Variants in ME3 observed in about 807,000 individuals in gnomAD.
ME3 encodes the protein NADP-dependent malic enzyme, mitochondrial.
ME3 carries 48 observed loss-of-function variants against 68.9 expected under a neutral mutation model. The observed-to-expected ratio is 0.70, with a 90% CI of 0.55 to 0.89. The LOEUF (loss-of-function observed/expected upper bound fraction) is 0.89, where lower values mean the gene tolerates loss of function less well. ME3 is among the 40% of genes least tolerant of loss of function. The pLI is 0.00. For missense variants in ME3, 675 were observed against 797.4 expected, an observed-to-expected ratio of 0.85 and a Z score of 1.85; for synonymous variants, 320 against 318.8, an observed-to-expected ratio of 1.00 and a Z score of -0.04.
At chr11:86,474,663 G>GT (rs751593747) in intron 7 of ME3, among the ~76,000 whole-genome samples, 2 of 152,210 alleles carry the variant, frequency 1.3e-5, no homozygotes, top group African/African-American at 2.4e-5. Flanking sequence ...CTCCATGAAG[G>GT]TTTTTTGATT....
chr11:86,591,459 C>T (rs552659016), intron 2 of ME3, among the ~76,000 whole-genome samples: 8 of 152,316 alleles, frequency 5.3e-5, no homozygotes, highest in African/African-American at 1.9e-4. Flanking sequence ...GATTAGAACA[C>T]AGACAACACA....
downstream of ME3, among the ~76,000 whole-genome samples, chr11:86,438,492 A>G (rs774762322): frequency 5.3e-5 from 8 of 152,180 alleles, no homozygotes; most frequent in African/African-American, 7.2e-5. Flanking sequence ...GTATCATAGA[A>G]TGATTTGGGA....
intron 4 of ME3, among the ~76,000 whole-genome samples, chr11:86,525,075 T>A (rs1446945428): frequency 6.6e-6 from 1 of 152,132 alleles, no homozygotes; most frequent in Admixed American, 6.5e-5. Flanking sequence ...TGCAAAACAT[T>A]GATATTATTG....
intron 4 of ME3, among the ~76,000 whole-genome samples, chr11:86,549,869 C>T (rs541679138): frequency 9.2e-5 from 14 of 152,268 alleles, no homozygotes; most frequent in African/African-American, 3.1e-4. Context: ...ATTTGGCTTG[C>T]TGAAGGTTGA....
At position 86,598,766 on chromosome 11, in the gene ME3, T is replaced by G. The variant is rs541327448; in HGVS notation, c.184-38943A>C. ...TCTGAGACAAAACTTCCAGAGGAAC[T>G]ATCAGACAGCAGCATTCGCGGATCA... On this transcript the variant is annotated intron_variant, in intron 2 of 14. Coordinates refer to ENST00000543262, the Ensembl canonical transcript of ME3. Among the ~76,000 whole-genome samples the G allele has an allele frequency of 2.0e-4, 31 of 152,276 alleles. No individual in the cohort carries two copies. In the East Asian group the frequency reaches 4.8e-3, roughly 24 times the overall value.
In ME3 at chr11:86,487,378, G is replaced by C; in HGVS notation, c.768C>G (p.Tyr256Ter). ...GCATGAACTCATCCAGCAAGTCATC[G>C]TATGCCTTCCCGTGCACGCGCTGGT... Residue 256 changes from tyrosine to a stop codon, truncating the protein, a stop_gained, in exon 7 of 15, where the codon TAC (tyrosine) becomes TAG (stop). Coordinates refer to ENST00000543262, the Ensembl canonical transcript of ME3. LOFTEE classifies it high-confidence loss of function. 6.2e-7 allele frequency: 1 copy of C among 1,614,152 alleles called. No individual in the cohort carries two copies. Among genetic ancestry groups the C allele is most frequent in the East Asian group, 2.2e-5 (1 of 44,890 alleles).
intron 2 of ME3, among the ~76,000 whole-genome samples, chr11:86,618,144 C>T (rs566409724): frequency 6.6e-6 from 1 of 151,492 alleles, no homozygotes; most frequent in Non-Finnish European, 1.5e-5. Context: ...ACTAAAAATA[C>T]AAAAAATTTG....
intron 6 of ME3, among the ~76,000 whole-genome samples, chr11:86,494,487 A>G (rs1321888050): frequency 4.6e-5 from 7 of 152,038 alleles, no homozygotes; most frequent in Non-Finnish European, 5.9e-5. Context: ...GGAGAATAAT[A>G]TACTGGGGAG....
At chr11:86,532,589 C>G (rs140010390) in intron 4 of ME3, among the ~76,000 whole-genome samples, 13 of 151,930 alleles carry the variant, frequency 8.6e-5, no homozygotes, top group Non-Finnish European at 2.9e-5. Flanking sequence ...AATTGAAATA[C>G]GTGGAAATTA....
At chr11:86,550,422 C>G (rs1956606858) in intron 4 of ME3, among the ~76,000 whole-genome samples, 1 of 152,102 alleles carries the variant, frequency 6.6e-6, no homozygotes, top group Non-Finnish European at 1.5e-5. Flanking sequence ...AGGGCAAGAA[C>G]CCAGATCTCC....
At chr11:86,653,794 A>C (rs1449444440) in intron 2 of ME3, among the ~76,000 whole-genome samples, 2 of 152,236 alleles carry the variant, frequency 1.3e-5, no homozygotes, top group East Asian at 1.9e-4. Flanking sequence ...TCAAAAAATC[A>C]ATGAATCCAG....
At chr11:86,521,425 A>AAAATAATAATAATAATAATAATAATAAT (rs754170121) in intron 4 of ME3, among the ~76,000 whole-genome samples, 1 of 118,252 alleles carries the variant, frequency 8.5e-6, no homozygotes, top group African/African-American at 3.1e-5. Flanking sequence ...AAACAAAACA[A>AAAATAATAATAATAATAATAATAATAAT]AACAAAAATA....
chr11:86,537,109 G>A (rs1955725391), intron 4 of ME3, among the ~76,000 whole-genome samples: 2 of 148,104 alleles, frequency 1.4e-5, no homozygotes, highest in South Asian at 4.4e-4. Context: ...ACACAGGAAG[G>A]GGAATATCAC....
In ME3 at chr11:86,447,216, A is replaced by G. The variant is rs766261870; in HGVS notation, c.1238-9T>C. 5 of 1,612,746 alleles carry G rather than the reference A, an allele frequency of 3.1e-6. No homozygotes were observed. In the African/African-American group the frequency reaches 4.0e-5, roughly 13 times the overall value. ...TGCGATGGCAGCAACACCTACAGGGAAAAGGCGGGTAGTGGGGATGCCTGC... is the reference window on the plus strand; with the variant it reads ...TGCGATGGCAGCAACACCTACAGGGGAAAGGCGGGTAGTGGGGATGCCTGC... On this transcript the variant is annotated splice_polypyrimidine_tract_variant and intron_variant, in intron 11 of 14. Transcript: ENST00000543262.
intron 2 of ME3, among the ~76,000 whole-genome samples, chr11:86,610,653 T>A (rs113058474): frequency 1.9e-5 from 2 of 104,020 alleles, no homozygotes; most frequent in African/African-American, 7.6e-5. Context: ...AGTTCTCTTT[T>A]GGGCTGTGGG....
intron 10 of ME3, 132 bp from the exon 11 acceptor site, chr11:86,448,387 G>A: frequency 1.5e-6 from 1 of 663,552 alleles, no homozygotes; most frequent in Non-Finnish European, 2.7e-6. Flanking sequence ...GATGTTTTGG[G>A]GCCCATCTTC....
At chr11:86,621,232 G>A (rs1287051645) in intron 2 of ME3, among the ~76,000 whole-genome samples, 1 of 152,190 alleles carries the variant, frequency 6.6e-6, no homozygotes, top group Non-Finnish European at 1.5e-5. Flanking sequence ...AATGTTCTTT[G>A]AGGTAATAAG....
rs367810346 is a variant in ME3, at chr11:86,671,732, C to A, written c.183+30G>T. ...TTTTCCGGCAGCCACGGGATCGCAA[C>A]GCGGGCCGTCCTGCCCTCTGGCCCA... is the stretch of plus-strand genomic sequence containing the variant. On this transcript the variant is annotated intron_variant, in intron 2 of 14. Transcript: ENST00000543262. 359 of 1,593,176 alleles carry A rather than the reference C, an allele frequency of 2.3e-4. 1 individual carries two copies. Among genetic ancestry groups the A allele is most frequent in the Non-Finnish European group, 3.0e-4 (348 of 1,171,420 alleles).
At chr11:86,641,161 C>G (rs1316835870) in intron 2 of ME3, among the ~76,000 whole-genome samples, 5 of 152,034 alleles carry the variant, frequency 3.3e-5, no homozygotes, top group Non-Finnish European at 5.9e-5. Flanking sequence ...ATACCATGTC[C>G]TGACCCCAAG....
Sources: gnomAD v4.1 joint callset for allele counts (sites outside exome capture counted in the v4.1 genomes callset) on GRCh38, gnomAD v4.1.1 for gene constraint, MANE v1.5 for transcripts, NCBI Gene and HGNC (gene_info 2026-07-23, HGNC 2026-07-21) for gene names.